SOX6: variants seen among roughly 807,000 people sequenced by gnomAD.
SOX6 encodes the protein transcription factor SOX-6.
In SOX6, 11 loss-of-function variants were observed where a neutral mutation model predicts 97.8. That is an observed-to-expected ratio of 0.11 (90% CI 0.07 to 0.19). SOX6 has a LOEUF of 0.19. Ranked by LOEUF, SOX6 falls within the 10% of genes least tolerant of loss-of-function variation. The pLI is 1.00. For missense variants in SOX6, 810 were observed against 1,039.5 expected (o/e 0.78, Z 3.04); for synonymous variants, 360 against 371.4 (o/e 0.97, Z 0.35).
chr11:16,411,784 A>G (rs947388576), intron 1 of SOX6, among the ~76,000 whole-genome samples: 6 of 152,166 alleles, frequency 3.9e-5, no homozygotes, highest in Non-Finnish European at 7.4e-5. Context: ...TCAAATCCAG[A>G]TTATGTTTTC....
chr11:16,498,601 G>T (rs1208315036), intron 4 of SOX6, among the ~76,000 whole-genome samples: 1 of 152,078 alleles, frequency 6.6e-6, no homozygotes, highest in African/African-American at 2.4e-5. Flanking sequence ...TCAAAATAAA[G>T]GGATGGAGGA....
At chr11:15,973,625 T>C (rs1853380674) in intron 15 of SOX6, among the ~76,000 whole-genome samples, 2 of 152,256 alleles carry the variant, frequency 1.3e-5, no homozygotes, top group South Asian at 2.1e-4. Context: ...AGCATTTATT[T>C]GTTATTCATG....
intron 1 of SOX6, among the ~76,000 whole-genome samples, chr11:16,449,467 T>C (rs1292025922): frequency 2.6e-5 from 4 of 151,998 alleles, no homozygotes; most frequent in Non-Finnish European, 5.9e-5. Context: ...TAATTTTTTG[T>C]ATTTTTAGTG....
chr11:16,137,571 A>G (rs1375371935), intron 6 of SOX6, among the ~76,000 whole-genome samples: 1 of 152,244 alleles, frequency 6.6e-6, no homozygotes, highest in Non-Finnish European at 1.5e-5. Context: ...CTTTTGAGCC[A>G]GTAGGTATCA....
chr11:16,295,191 A>AT lies in SOX6; in HGVS notation c.445+23254dup, dbSNP rs1398658890. ...CTTATAAATAAATTCATCCTATGCT[A>AT]TTTTTTCAAATCAAGACTGAAAGTT... On this transcript the variant is annotated intron_variant, in intron 3 of 15. Transcript: ENST00000683767. Among the ~76,000 whole-genome samples the AT allele has an allele frequency of 2.6e-5, 4 of 152,192 alleles. No homozygotes were observed. In the East Asian group the frequency reaches 7.7e-4, roughly 29 times the overall value.
At chr11:16,008,471 G>A (rs1184383575) in intron 13 of SOX6, among the ~76,000 whole-genome samples, 1 of 152,014 alleles carries the variant, frequency 6.6e-6, no homozygotes, top group Non-Finnish European at 1.5e-5. Flanking sequence ...TATCCAGTAG[G>A]GCTAGATTCC....
intron 1 of SOX6, among the ~76,000 whole-genome samples, chr11:16,442,658 T>C (rs1590205385): frequency 6.6e-6 from 1 of 152,080 alleles, no homozygotes; most frequent in Non-Finnish European, 1.5e-5. Context: ...GCTAGCAAAG[T>C]ATAAGAAAAT....
intron 6 of SOX6, among the ~76,000 whole-genome samples, chr11:16,166,460 T>C (rs942371062): frequency 1.1e-4 from 16 of 152,208 alleles, no homozygotes; most frequent in African/African-American, 3.6e-4. Flanking sequence ...CTTTGTCCAT[T>C]AAAATGATTT....
chr11:16,090,585 G>C (rs1022211137), intron 9 of SOX6, among the ~76,000 whole-genome samples: 1 of 151,608 alleles, frequency 6.6e-6, no homozygotes, highest in African/African-American at 2.4e-5. Context: ...AAAAGTTGTT[G>C]ACATAAAAGA....
rs561880599 is a variant in SOX6, at chr11:16,321,855, C to G, written c.238-3202G>C. Among the ~76,000 whole-genome samples, 6 of 152,236 alleles carry G rather than the reference C, an allele frequency of 3.9e-5. No homozygotes were observed. The South Asian group carries it at 1.2e-3, about 32-fold the overall frequency. On this transcript the variant is annotated intron_variant, in intron 2 of 15. Transcript: ENST00000683767. ...CAACAATGGGAGGGGGCAAAATTTACCATTTCCAGCCATCACTTTTTAACT... is the reference window on the plus strand; with the variant it reads ...CAACAATGGGAGGGGGCAAAATTTAGCATTTCCAGCCATCACTTTTTAACT...
chr11:16,008,850 T>G (rs1410535656), intron 13 of SOX6, among the ~76,000 whole-genome samples: 1 of 152,066 alleles, frequency 6.6e-6, no homozygotes, highest in Admixed American at 6.6e-5. Flanking sequence ...ACAGAGTTAG[T>G]CCAGAGCCCA....
chr11:16,283,488 A>T (rs1218804106), intron 3 of SOX6, among the ~76,000 whole-genome samples: 5 of 151,758 alleles, frequency 3.3e-5, no homozygotes, highest in African/African-American at 1.2e-4. Flanking sequence ...ACCTCTAGAT[A>T]GTTTATCAGA....
At chr11:16,406,349 T>C (rs748325822) in intron 1 of SOX6, among the ~76,000 whole-genome samples, 3 of 152,110 alleles carry the variant, frequency 2.0e-5, no homozygotes, top group Non-Finnish European at 4.4e-5. Context: ...CAAAACTTAG[T>C]GGCTTAAAAC....
At chr11:16,168,777 C>G (rs1352301426) in intron 6 of SOX6, among the ~76,000 whole-genome samples, 1 of 152,064 alleles carries the variant, frequency 6.6e-6, no homozygotes, top group Non-Finnish European at 1.5e-5. Flanking sequence ...TAGAAATAGG[C>G]ATGCAGGTGG....
chr11:16,528,897 C>A (rs1565172991), intron 4 of SOX6, among the ~76,000 whole-genome samples: 1 of 152,034 alleles, frequency 6.6e-6, no homozygotes, highest in Admixed American at 6.6e-5. Flanking sequence ...TATTTTGTAG[C>A]TGCCTGAATA....
chr11:16,652,862 C>T (rs994058889), intron 3 of SOX6, among the ~76,000 whole-genome samples: 13 of 152,144 alleles, frequency 8.5e-5, no homozygotes, highest in African/African-American at 3.1e-4. Flanking sequence ...ACAAACTATG[C>T]ATCCAACAAA....
chr11:16,342,869 T>C (rs1179091970), intron 1 of SOX6, among the ~76,000 whole-genome samples: 2 of 152,016 alleles, frequency 1.3e-5, no homozygotes, highest in African/African-American at 4.8e-5. Flanking sequence ...GATACCAATT[T>C]ATAATAATCA....
chr11:16,006,043 A>G (rs138374076), intron 13 of SOX6, among the ~76,000 whole-genome samples: 303 of 152,158 alleles, frequency 2.0e-3, no homozygotes, highest in African/African-American at 6.8e-3. Context: ...GTCACAGTAG[A>G]CAGTGAAAAT....
intron 3 of SOX6, among the ~76,000 whole-genome samples, chr11:16,259,268 C>T (rs997339017): frequency 1.3e-5 from 2 of 151,886 alleles, no homozygotes; most frequent in African/African-American, 4.8e-5. Flanking sequence ...CAAAATATTA[C>T]TTTAATAATT....
Sources: allele counts gnomAD v4.1 joint callset (sites outside exome capture counted in the v4.1 genomes callset), GRCh38; gene constraint gnomAD v4.1.1; transcripts MANE v1.5; gene names NCBI Gene and HGNC (gene_info 2026-07-23, HGNC 2026-07-21).